Variants in RNF180 observed in about 807,000 individuals in gnomAD.
RNF180 encodes the protein ring finger protein 180.
In RNF180, 38 loss-of-function variants were observed where a neutral mutation model predicts 59.2. That is an observed-to-expected ratio of 0.64 (90% confidence interval 0.50 to 0.84). RNF180 has a LOEUF of 0.84. Ranked by LOEUF, RNF180 falls within the 40% of genes least tolerant of loss-of-function variation. The probability of loss-of-function intolerance (pLI) is 0.00; values close to 1 mark genes in which losing one functional copy is unlikely to be tolerated. For synonymous variants in RNF180, 262 were observed against 240.3 expected, an observed-to-expected ratio of 1.09 and a Z score of -0.84; for missense variants, 705 against 700.9, an observed-to-expected ratio of 1.01 and a Z score of -0.07.
At chr5:64,257,731 G>A (rs1485400663) in intron 5 of RNF180, among the ~76,000 whole-genome samples, 2 of 152,232 alleles carry the variant, frequency 1.3e-5, no homozygotes, top group Middle Eastern at 3.4e-3. Flanking sequence ...AAATGAGTTA[G>A]GGAGGATTCC....
chr5:64,341,599 T>C (rs1004684416), intron 7 of RNF180, among the ~76,000 whole-genome samples: 17 of 152,134 alleles, frequency 1.1e-4, no homozygotes, highest in African/African-American at 4.1e-4. Context: ...AGATTGAGTA[T>C]GTAGGCCTTA....
At chr5:64,293,005 A>C (rs1284238578) in intron 5 of RNF180, among the ~76,000 whole-genome samples, 2 of 152,162 alleles carry the variant, frequency 1.3e-5, no homozygotes, top group African/African-American at 4.8e-5. Flanking sequence ...GAGTCCACCT[A>C]ACCACAGAAA....
intron 5 of RNF180, among the ~76,000 whole-genome samples, chr5:64,249,072 G>A (rs1743385566): frequency 6.6e-6 from 1 of 152,154 alleles, no homozygotes; most frequent in Non-Finnish European, 1.5e-5. Flanking sequence ...CATAGACACA[G>A]GCAGGGTAAC....
At chr5:64,279,042 A>G (rs1741868005) in intron 5 of RNF180, among the ~76,000 whole-genome samples, 1 of 152,178 alleles carries the variant, frequency 6.6e-6, no homozygotes. Context: ...TAAAGATATG[A>G]CTACTCAAGG....
intron 7 of RNF180, among the ~76,000 whole-genome samples, chr5:64,335,032 A>G (rs1745062542): frequency 6.6e-6 from 1 of 152,152 alleles, no homozygotes; most frequent in Non-Finnish European, 1.5e-5. Flanking sequence ...TGGTATTTTC[A>G]GTCTTTTAGA....
intron 1 of RNF180, among the ~76,000 whole-genome samples, chr5:64,197,129 T>C (rs1295148978): frequency 6.6e-6 from 1 of 152,178 alleles, no homozygotes; most frequent in African/African-American, 2.4e-5. Context: ...TAGCAAAGGA[T>C]AGACAAAGAA....
Position 64,214,374 on chromosome 5 carries a change from GAGCACC to G in RNF180, c.1049_1054del (p.Glu350_Leu352delinsVal). 1.2e-6 allele frequency: 2 copies of G among 1,614,040 alleles called. No individual in the cohort carries two copies. Among genetic ancestry groups the G allele is most frequent in the Non-Finnish European group, 1.7e-6 (2 of 1,179,998 alleles). ...CATGCCGGAGGCCTCAGACCAGGAAGAGCACCTCTCCCCTCTGGACTTCCTGCACTC... is the reference window on the plus strand; with the variant it reads ...CATGCCGGAGGCCTCAGACCAGGAAGTCTCCCCTCTGGACTTCCTGCACTC... On this transcript the variant is annotated inframe_deletion, in exon 4 of 8. Coordinates refer to ENST00000389100, the MANE Select transcript of RNF180 (RefSeq NM_001113561.2).
At chr5:64,266,534 A>G (rs1307486354) in intron 5 of RNF180, among the ~76,000 whole-genome samples, 1 of 152,232 alleles carries the variant, frequency 6.6e-6, no homozygotes, top group South Asian at 2.1e-4. Context: ...AGCCAGAAAC[A>G]TGTGTTTGCA....
chr5:64,214,595 A>G, intron 4 of RNF180, 78 bp downstream of exon 4: 4 of 1,285,668 alleles, frequency 3.1e-6, no homozygotes, highest in Middle Eastern at 2.8e-4. Context: ...AACTTTCAAC[A>G]TCTGTATAAT....
intron 5 of RNF180, among the ~76,000 whole-genome samples, chr5:64,314,203 T>C (rs2112488892): frequency 6.6e-6 from 1 of 152,240 alleles, no homozygotes; most frequent in East Asian, 1.9e-4. Context: ...TCAAAAAGTT[T>C]CAGATTTTGG....
At chr5:64,260,043 C>G (rs928069089) in intron 5 of RNF180, among the ~76,000 whole-genome samples, 1 of 152,170 alleles carries the variant, frequency 6.6e-6, no homozygotes, top group Non-Finnish European at 1.5e-5. Context: ...GTCCTCATTT[C>G]TTATTGACTT....
intron 7 of RNF180, among the ~76,000 whole-genome samples, chr5:64,336,311 C>G (rs561657157): frequency 6.6e-6 from 1 of 152,202 alleles, no homozygotes; most frequent in East Asian, 1.9e-4. Context: ...TAGATCCATC[C>G]AAGTGGTTAT....
chr5:64,261,777 A>G (rs564358736), intron 5 of RNF180, among the ~76,000 whole-genome samples: 2 of 152,282 alleles, frequency 1.3e-5, no homozygotes, highest in East Asian at 3.9e-4. Flanking sequence ...ACCAAAGGCT[A>G]TTTATTCAGA....
intron 5 of RNF180, among the ~76,000 whole-genome samples, chr5:64,224,149 TGAAAG>T (rs558574017): frequency 5.4e-5 from 8 of 149,530 alleles, no homozygotes; most frequent in Admixed American, 1.3e-4. Flanking sequence ...CAAAAACTAT[TGAAAG>T]GAAGAGAGGT....
intron 5 of RNF180, among the ~76,000 whole-genome samples, chr5:64,277,599 G>T (rs1043501917): frequency 6.6e-6 from 1 of 152,080 alleles, no homozygotes; most frequent in Non-Finnish European, 1.5e-5. Context: ...ATTGACAGGG[G>T]CTTGGCAAGT....
chr5:64,365,616 T>G (rs1320775868), intron 7 of RNF180, among the ~76,000 whole-genome samples: 2 of 151,658 alleles, frequency 1.3e-5, no homozygotes, highest in African/African-American at 4.8e-5. Context: ...AGGGAGTCTG[T>G]GTCTCTTTGA....
chr5:64,301,758 G>C (rs1743173198), intron 5 of RNF180, among the ~76,000 whole-genome samples: 1 of 149,534 alleles, frequency 6.7e-6, no homozygotes, highest in South Asian at 2.1e-4. Context: ...AAGTCTCTTG[G>C]CAAGGGTAAA....
rs202006196 is a variant in RNF180, at chr5:64,213,604, G to A, written c.278G>A (p.Arg93His). The change falls in exon 4 of 8, where the codon CGT becomes CAT. Residue 93 changes from arginine (R) to histidine (H), a missense_variant. Transcript: ENST00000389100. ...GKLNCPFCGA[R>H]LGGFNFVSTP... ...CTGAATTGTCCTTTCTGTGGGGCCC[G>A]TTTAGGGGGCTTTAATTTTGTCAGC... 231 of 1,614,054 alleles carry A rather than the reference G, an allele frequency of 1.4e-4. No individual in the cohort carries two copies. Among genetic ancestry groups the A allele is most frequent in the Non-Finnish European group, 1.9e-4 (222 of 1,179,936 alleles).
At chr5:64,315,212 A>T (rs2112491588) in intron 5 of RNF180, among the ~76,000 whole-genome samples, 1 of 152,346 alleles carries the variant, frequency 6.6e-6, no homozygotes, top group East Asian at 1.9e-4. Context: ...GGGAATCTGT[A>T]AGCAAAAACA....
Sources: allele counts gnomAD v4.1 joint callset (sites outside exome capture counted in the v4.1 genomes callset), GRCh38; gene constraint gnomAD v4.1.1; transcripts MANE v1.5; gene names NCBI Gene and HGNC (gene_info 2026-07-23, HGNC 2026-07-21).